Variants in TTLL11 observed in about 807,000 individuals in gnomAD.
TTLL11 encodes the protein tubulin polyglutamylase TTLL11.
A neutral mutation model predicts 51.7 loss-of-function variants in TTLL11; 42 were observed. The observed-to-expected ratio is 0.81, with a 90% confidence interval of 0.64 to 1.05. The LOEUF is 1.05. Ranked by LOEUF, TTLL11 falls within the 50% of genes least tolerant of loss-of-function variation. The pLI is 0.00. For missense variants in TTLL11, 799 were observed against 940.4 expected (o/e 0.85, Z 1.97); for synonymous variants, 381 against 383.5 (o/e 0.99, Z 0.08).
intron 3 of TTLL11, among the ~76,000 whole-genome samples, chr9:122,031,365 C>G (rs988708756): frequency 6.6e-6 from 1 of 152,176 alleles, no homozygotes; most frequent in South Asian, 2.1e-4. Context: ...AGGAAGCCGG[C>G]GAGGCCACGG....
intron 8 of TTLL11, among the ~76,000 whole-genome samples, chr9:121,859,229 G>A (rs924860938): frequency 6.6e-6 from 1 of 151,958 alleles, no homozygotes; most frequent in South Asian, 2.1e-4. Flanking sequence ...AGTGGCTCAC[G>A]CCTGTAATCT....
chr9:121,942,471 C>T (rs981662872), intron 6 of TTLL11, among the ~76,000 whole-genome samples: 1 of 152,192 alleles, frequency 6.6e-6, no homozygotes, highest in Non-Finnish European at 1.5e-5. Context: ...GCGGGGACCT[C>T]GCGATGAGCA....
At chr9:122,062,134 T>C (rs1434886238) in intron 1 of TTLL11, among the ~76,000 whole-genome samples, 1 of 152,180 alleles carries the variant, frequency 6.6e-6, no homozygotes, top group Non-Finnish European at 1.5e-5. Flanking sequence ...TTAAATATAG[T>C]AGCCAATCTC....
chr9:121,962,708 TC>T (rs1261357142), intron 6 of TTLL11, among the ~76,000 whole-genome samples: 1 of 152,250 alleles, frequency 6.6e-6, no homozygotes, highest in African/African-American at 2.4e-5. Context: ...TTGGACTCTC[TC>T]TTGTCTCATG....
At chr9:121,957,193 CG>C (rs11357731) in intron 6 of TTLL11, among the ~76,000 whole-genome samples, 11,722 of 152,174 alleles carry the variant, frequency 0.077, 676 homozygotes, top group African/African-American at 0.16. Flanking sequence ...TTCCTCAAAC[CG>C]GCTAGCCAGT....
intron 8 of TTLL11, among the ~76,000 whole-genome samples, chr9:121,844,792 T>C (rs1361577793): frequency 6.6e-6 from 1 of 151,408 alleles, no homozygotes; most frequent in African/African-American, 2.4e-5. Context: ...CTTGAAGATA[T>C]GTCAATAGGA....
At chr9:122,007,264 C>T (rs1160016611) in intron 3 of TTLL11, among the ~76,000 whole-genome samples, 1 of 151,644 alleles carries the variant, frequency 6.6e-6, no homozygotes, top group African/African-American at 2.4e-5. Context: ...ATAAGAAAAG[C>T]CTGGAATGTC....
At chr9:122,035,322 G>A (rs1186049419) in intron 2 of TTLL11, among the ~76,000 whole-genome samples, 1 of 152,138 alleles carries the variant, frequency 6.6e-6, no homozygotes, top group Non-Finnish European at 1.5e-5. Flanking sequence ...TATCGATTGG[G>A]AAAACCTCCT....
intron 4 of TTLL11, among the ~76,000 whole-genome samples, chr9:121,986,918 T>C (rs1207592938): frequency 1.3e-5 from 2 of 151,900 alleles, no homozygotes; most frequent in Non-Finnish European, 2.9e-5. Flanking sequence ...AAATTGTGCA[T>C]ATTCACAATG....
At chr9:121,869,759 C>T (rs914000800) in intron 7 of TTLL11, among the ~76,000 whole-genome samples, 1 of 152,098 alleles carries the variant, frequency 6.6e-6, no homozygotes, top group Non-Finnish European at 1.5e-5. Context: ...CAGCTTTATC[C>T]TCATTTTACA....
At chr9:121,824,409 G>C (rs1836682158) in intron 8 of TTLL11, among the ~76,000 whole-genome samples, 1 of 148,226 alleles carries the variant, frequency 6.7e-6, no homozygotes, top group Admixed American at 6.8e-5. Context: ...CAGGAAGTCA[G>C]AGGTTGCAGT....
chr9:121,984,638 AAGG>A (rs1842903464), intron 4 of TTLL11, among the ~76,000 whole-genome samples: 1 of 152,142 alleles, frequency 6.6e-6, no homozygotes, highest in Non-Finnish European at 1.5e-5. Context: ...GCTGAAGGGT[AAGG>A]AGGAGGTCAA....
chr9:122,023,468 C>T (rs570591231), intron 3 of TTLL11, among the ~76,000 whole-genome samples: 42 of 151,806 alleles, frequency 2.8e-4, no homozygotes, highest in African/African-American at 6.5e-4. Context: ...ATCCTGATAA[C>T]GAACCAAAGA....
intron 6 of TTLL11, among the ~76,000 whole-genome samples, chr9:121,912,794 T>C (rs73664718): frequency 0.029 from 4,465 of 151,718 alleles, 166 homozygotes; most frequent in African/African-American, 0.083. Context: ...AGGCAGTCTC[T>C]AAGTGTGTGA....
Position 122,021,144 on chromosome 9 carries a change from C to A in TTLL11, c.693+10579G>T, listed in dbSNP as rs190693064. 2.8e-3 allele frequency among the ~76,000 whole-genome samples: 433 copies of A among 152,248 alleles called. 3 individuals are homozygous for A. The highest frequency in any genetic ancestry group is 6.8e-3 in the Middle Eastern group (2 of 294). ...CAGTTTTGAAGACCTGGATATGAAG[C>A]AACAAAGGACAGTGATTCCTGAGAG... On this transcript the variant is annotated intron_variant, in intron 3 of 8. Transcript: ENST00000321582.
Position 122,093,180 on chromosome 9 carries a change from ACC to A in TTLL11, c.-34_-33del. 6.7e-7 allele frequency: 1 copy of A among 1,486,056 alleles called. No homozygotes were observed. The highest frequency in any genetic ancestry group is 1.3e-5 in the South Asian group (1 of 78,934). 92.1% of individuals were successfully genotyped at this position (1,486,056 alleles called of 1,614,324 possible). A position where few individuals can be genotyped will look rare whatever the true frequency, so the allele number is the denominator to read the frequency against. On this transcript the variant is annotated 5_prime_UTR_variant, in exon 1 of 9. An upstream open reading frame in the 5' UTR loses its in-frame stop. Coordinates refer to ENST00000321582, the MANE Select transcript of TTLL11 (RefSeq NM_001139442.2). ...CAGGGCCGGGGCCAGTGCCAGTGCCACCGCCGCCGCCGCCGCCGCTCCGCCGC... is the reference window on the plus strand; with the variant it reads ...CAGGGCCGGGGCCAGTGCCAGTGCCAGCCGCCGCCGCCGCCGCTCCGCCGC...
chr9:122,058,406 T>C (rs1336023744), intron 1 of TTLL11, among the ~76,000 whole-genome samples: 1 of 152,200 alleles, frequency 6.6e-6, no homozygotes, highest in Non-Finnish European at 1.5e-5. Context: ...AGCCTACAGC[T>C]GTCATGTTCA....
chr9:122,028,801 G>A (rs1049739712), intron 3 of TTLL11, among the ~76,000 whole-genome samples: 1 of 152,054 alleles, frequency 6.6e-6, no homozygotes, highest in African/African-American at 2.4e-5. Context: ...AATTTAAAGA[G>A]ACTGAGATAA....
At chr9:121,856,819 C>T (rs1280194193) in intron 8 of TTLL11, among the ~76,000 whole-genome samples, 4 of 152,216 alleles carry the variant, frequency 2.6e-5, no homozygotes, top group Non-Finnish European at 5.9e-5. Context: ...GGGCCTCGAA[C>T]CCCTTGGATC....
Sources: gnomAD v4.1 joint callset for allele counts (sites outside exome capture counted in the v4.1 genomes callset) on GRCh38, gnomAD v4.1.1 for gene constraint, MANE v1.5 for transcripts, NCBI Gene and HGNC (gene_info 2026-07-23, HGNC 2026-07-21) for gene names.